The following THSD7B variants were observed in gnomAD, a reference collection of about 807,000 sequenced individuals.
The protein encoded by THSD7B is thrombospondin type 1 domain containing 7B.
Under a neutral mutation model 213.6 loss-of-function variants are expected in THSD7B, and 138 were observed. The observed-to-expected ratio is 0.65, with a 90% CI of 0.56 to 0.74. THSD7B has a LOEUF of 0.74. Ranked by LOEUF, THSD7B falls within the 30% of genes least tolerant of loss-of-function variation. The probability of loss-of-function intolerance (pLI) is 0.00; values close to 1 mark genes in which losing one functional copy is unlikely to be tolerated. For synonymous variants in THSD7B, 742 were observed against 687.0 expected (o/e 1.08, Z -1.25); for missense variants, 1,931 against 1,991.5 (o/e 0.97, Z 0.58).
chr2:137,549,555 A>G (rs1680806386), intron 15 of THSD7B, among the ~76,000 whole-genome samples: 1 of 151,992 alleles, frequency 6.6e-6, no homozygotes, highest in Admixed American at 6.6e-5. Flanking sequence ...TTAGCATGAA[A>G]TCCTCTTAAC....
intron 7 of THSD7B, among the ~76,000 whole-genome samples, chr2:137,175,128 G>T (rs1351210565): frequency 1.3e-5 from 2 of 152,144 alleles, no homozygotes; most frequent in South Asian, 4.1e-4. Context: ...TGACTACTAT[G>T]TATCATCTTT....
At chr2:136,993,298 C>A (rs755027014) in intron 2 of THSD7B, among the ~76,000 whole-genome samples, 1 of 152,166 alleles carries the variant, frequency 6.6e-6, no homozygotes, top group Non-Finnish European at 1.5e-5. Flanking sequence ...GCAAGTCAAA[C>A]CAGTGTGCTC....
rs114943105 is a variant in THSD7B, at chr2:136,976,158, A to C, written c.140-80262A>C. Among the ~76,000 whole-genome samples, 1,069 of 152,200 alleles carry C rather than the reference A, an allele frequency of 7.0e-3. 11 individuals carry two copies. The highest frequency in any genetic ancestry group is 0.024 in the African/African-American group (1,006 of 41,542). ...ATTTGACTTTCTCTCTTCCTGTTTTATTTCTTTCTCTTGCCTGATTTCCTT... is the reference window on the plus strand; with the variant it reads ...ATTTGACTTTCTCTCTTCCTGTTTTCTTTCTTTCTCTTGCCTGATTTCCTT... On this transcript the variant is annotated intron_variant, in intron 2 of 27. Coordinates refer to ENST00000409968, the MANE Select transcript of THSD7B (RefSeq NM_001316349.2).
chr2:137,615,484 C>T (rs1422969948), intron 17 of THSD7B, among the ~76,000 whole-genome samples: 5 of 152,082 alleles, frequency 3.3e-5, no homozygotes, highest in Non-Finnish European at 7.4e-5. Flanking sequence ...TCTGGCAGGC[C>T]GGTTGACCTG....
At chr2:136,826,406 C>T (rs182507995) in intron 1 of THSD7B, among the ~76,000 whole-genome samples, 14 of 152,088 alleles carry the variant, frequency 9.2e-5, no homozygotes, top group Non-Finnish European at 1.3e-4. Context: ...GGTGCTGCTC[C>T]GTGCTGAGCC....
At chr2:137,579,510 G>A (rs1398763460) in intron 17 of THSD7B, among the ~76,000 whole-genome samples, 1 of 151,498 alleles carries the variant, frequency 6.6e-6, no homozygotes, top group Admixed American at 6.6e-5. Context: ...ATATGCACGT[G>A]AGTACATGCA....
intron 5 of THSD7B, among the ~76,000 whole-genome samples, chr2:137,116,842 G>A (rs899239170): frequency 6.6e-6 from 1 of 152,144 alleles, no homozygotes; most frequent in African/African-American, 2.4e-5. Flanking sequence ...TGCAGAGTGA[G>A]CAATCTATCA....
intron 2 of THSD7B, among the ~76,000 whole-genome samples, chr2:137,048,115 G>T (rs1282391873): frequency 1.3e-5 from 2 of 151,512 alleles, no homozygotes; most frequent in Non-Finnish European, 2.9e-5. Context: ...GTGTCCATGT[G>T]TTCTCATTGT....
intron 4 of THSD7B, among the ~76,000 whole-genome samples, 168 bp from the exon 5 acceptor site, chr2:137,114,956 A>G (rs997092478): frequency 6.6e-5 from 10 of 152,042 alleles, no homozygotes; most frequent in Non-Finnish European, 1.2e-4. Flanking sequence ...TTTTCTAGGA[A>G]ATAAAAGGGA....
At chr2:136,775,337 A>G (rs929492690) in intron 1 of THSD7B, among the ~76,000 whole-genome samples, 3 of 152,150 alleles carry the variant, frequency 2.0e-5, no homozygotes, top group African/African-American at 7.2e-5. Context: ...TAATGAAGAC[A>G]AAGTCTGGTC....
chr2:137,116,736 T>C (rs2104940039), intron 5 of THSD7B, among the ~76,000 whole-genome samples: 1 of 152,302 alleles, frequency 6.6e-6, no homozygotes. Context: ...AGGAAGATTA[T>C]AATTAGCAGG....
chr2:136,957,963 G>T (rs1307457085), intron 2 of THSD7B, among the ~76,000 whole-genome samples: 1 of 152,124 alleles, frequency 6.6e-6, no homozygotes, highest in Non-Finnish European at 1.5e-5. Flanking sequence ...ATAGTTATTT[G>T]TATGTAGCAA....
At chr2:137,526,398 TTTG>T (rs371113805) in intron 15 of THSD7B, among the ~76,000 whole-genome samples, 2,011 of 151,688 alleles carry the variant, frequency 0.013, 22 homozygotes, top group African/African-American at 0.034. Context: ...AAGTTTAGGG[TTTG>T]TTGTTGTTGT....
At chr2:136,923,656 G>A (rs1684473593) in intron 2 of THSD7B, among the ~76,000 whole-genome samples, 2 of 152,046 alleles carry the variant, frequency 1.3e-5, no homozygotes, top group Admixed American at 1.3e-4. Flanking sequence ...ATTCTAATGG[G>A]GGCGAGGTGT....
At chr2:137,211,116 G>C (rs964814507) in intron 7 of THSD7B, among the ~76,000 whole-genome samples, 2 of 151,872 alleles carry the variant, frequency 1.3e-5, no homozygotes, top group Non-Finnish European at 2.9e-5. Flanking sequence ...GACATTTAGT[G>C]TTTCAAAGGT....
chr2:137,288,319 A>G (rs1159359159), intron 12 of THSD7B, among the ~76,000 whole-genome samples: 2 of 152,116 alleles, frequency 1.3e-5, no homozygotes, highest in Non-Finnish European at 2.9e-5. Flanking sequence ...GGTGAGAAAA[A>G]CAATAAAAAA....
intron 15 of THSD7B, among the ~76,000 whole-genome samples, chr2:137,515,247 A>C (rs1226829168): frequency 6.6e-6 from 1 of 152,148 alleles, no homozygotes; most frequent in Non-Finnish European, 1.5e-5. Context: ...TTTTGCCAGA[A>C]GAAACAGCTT....
At chr2:137,220,169 AT>A (rs1327571334) in intron 7 of THSD7B, among the ~76,000 whole-genome samples, 1 of 152,230 alleles carries the variant, frequency 6.6e-6, no homozygotes, top group African/African-American at 2.4e-5. Context: ...ACCACAATCT[AT>A]ACAGGAAAAA....
In THSD7B at chr2:137,163,173, T is replaced by C. The variant is rs181853088; in HGVS notation, c.1525+2805T>C. Among the ~76,000 whole-genome samples, 9 of 152,318 alleles carry C rather than the reference T, an allele frequency of 5.9e-5. 1 individual carries two copies. Among genetic ancestry groups the C allele is most frequent in the Admixed American group, 4.6e-4 (7 of 15,302 alleles). On this transcript the variant is annotated intron_variant, in intron 6 of 27. Transcript: ENST00000409968. Reference sequence around the variant, plus strand: ...GCCAAACTTTATCCTCATTGGCCTCTATTTCTCTATAGTAAAAGTCAACCT... The same window carrying C: ...GCCAAACTTTATCCTCATTGGCCTCCATTTCTCTATAGTAAAAGTCAACCT...
Sources: gnomAD v4.1 joint callset for allele counts (sites outside exome capture counted in the v4.1 genomes callset) on GRCh38, gnomAD v4.1.1 for gene constraint, MANE v1.5 for transcripts, NCBI Gene and HGNC (gene_info 2026-07-23, HGNC 2026-07-21) for gene names.